FRMPD4: variants seen among roughly 807,000 people sequenced by gnomAD.
The protein encoded by FRMPD4 is FERM and PDZ domain containing 4, also known as FERM and PDZ domain-containing protein 4.
In FRMPD4, 22 loss-of-function variants were observed where a neutral mutation model predicts 94.1. The ratio of observed to expected loss-of-function variants is 0.23; its 90% CI spans 0.17 to 0.33. The LOEUF (loss-of-function observed/expected upper bound fraction) is 0.33, where lower values mean the gene tolerates loss of function less well. Ranked by LOEUF, FRMPD4 falls within the 10% of genes least tolerant of loss-of-function variation. FRMPD4 has a pLI of 1.00. For missense variants in FRMPD4, 1,111 were observed against 1,339.9 expected, an observed-to-expected ratio of 0.83 and a Z score of 2.67; for synonymous variants, 631 against 548.6, an observed-to-expected ratio of 1.15 and a Z score of -2.10.
chrX:12,694,145 C>T (rs2060104990), intron 8 of FRMPD4, among the ~76,000 whole-genome samples, 190 bp from the exon 9 acceptor site: 1 of 112,186 alleles, frequency 8.9e-6, no homozygotes, highest in South Asian at 3.7e-4. Flanking sequence ...ATCTCAGGGT[C>T]TGCTTCTGGG....
intron 1 of FRMPD4, among the ~76,000 whole-genome samples, chrX:12,164,095 G>A (rs936542586): frequency 9.2e-6 from 1 of 108,620 alleles, no homozygotes; most frequent in African/African-American, 3.4e-5. Context: ...TGTGCACAAC[G>A]TGCAGGTTTC....
intron 14 of FRMPD4, among the ~76,000 whole-genome samples, chrX:12,715,261 T>G (rs5935388): frequency 0.48 from 52,912 of 110,792 alleles, 9,358 homozygotes; most frequent in East Asian, 0.82. Flanking sequence ...TAAATTGGGG[T>G]TTTGTAATTT....
At position 12,353,875 on chromosome X, in the gene FRMPD4, G is replaced by A. The variant is rs1389674005; in HGVS notation, c.42-144805G>A. Among the ~76,000 whole-genome samples, 12 of 111,821 alleles carry A rather than the reference G, an allele frequency of 1.1e-4. No homozygotes were observed. The East Asian group carries it at 3.4e-3, about 32-fold the overall frequency. On this transcript the variant is annotated intron_variant, in intron 1 of 16. Coordinates refer to ENST00000675598, the MANE Select transcript of FRMPD4 (RefSeq NM_001368397.1). ...CCACTATTCACTGAGTGCTCATTTT[G>A]CCCTAGGTACAAGTTTCAACAGGAT...
intron 1 of FRMPD4, among the ~76,000 whole-genome samples, chrX:12,139,342 G>A (rs954273096): frequency 1.8e-5 from 2 of 111,169 alleles, no homozygotes; most frequent in African/African-American, 3.3e-5. Flanking sequence ...GGTTGTAATT[G>A]CTACTGCTAG....
At chrX:11,905,350 G>A (rs986687814) in intron 3 of FRMPD4, among the ~76,000 whole-genome samples, 5 of 111,714 alleles carry the variant, frequency 4.5e-5, no homozygotes, top group Non-Finnish European at 9.4e-5. Flanking sequence ...GGATGGCAAA[G>A]TTGAAAGAAA....
chrX:12,155,576 C>T (rs184574534), intron 1 of FRMPD4, among the ~76,000 whole-genome samples: 14 of 60,864 alleles, frequency 2.3e-4, no homozygotes, highest in Non-Finnish European at 3.4e-4. Context: ...GGTAGCATAT[C>T]CTCACAAAAA....
intron 2 of FRMPD4, among the ~76,000 whole-genome samples, chrX:12,517,284 T>C (rs2058109949): frequency 9.5e-6 from 1 of 105,549 alleles, no homozygotes; most frequent in South Asian, 4.1e-4. Context: ...AGAGGCACTC[T>C]GGCTTTTTGA....
intron 3 of FRMPD4, among the ~76,000 whole-genome samples, chrX:11,923,875 C>A (rs1012105134): frequency 1.8e-5 from 2 of 112,486 alleles, no homozygotes; most frequent in African/African-American, 6.5e-5. Context: ...AGAGTGCCTT[C>A]TTCTTTCCTC....
chrX:12,656,513 A>G (rs758302137), intron 4 of FRMPD4, among the ~76,000 whole-genome samples: 3 of 112,640 alleles, frequency 2.7e-5, no homozygotes, highest in African/African-American at 9.6e-5. Flanking sequence ...CACAATGGCT[A>G]CTACACATCA....
intron 1 of FRMPD4, among the ~76,000 whole-genome samples, chrX:12,293,811 A>G (rs2054727963): frequency 8.9e-6 from 1 of 112,499 alleles, no homozygotes; most frequent in South Asian, 3.7e-4. Flanking sequence ...TTTTTGTTCT[A>G]TATGTAAAGT....
At chrX:11,906,121 T>TTATTTATG (rs2053966221) in intron 3 of FRMPD4, among the ~76,000 whole-genome samples, 1 of 97,698 alleles carries the variant, frequency 1.0e-5, no homozygotes, top group Non-Finnish European at 2.0e-5. Context: ...TTCATTTTAT[T>TTATTTATG]TATTTATTTA....
At chrX:12,520,619 G>T (rs1271367951) in intron 2 of FRMPD4, among the ~76,000 whole-genome samples, 11 of 111,811 alleles carry the variant, frequency 9.8e-5, no homozygotes, top group African/African-American at 3.2e-4. Context: ...ATCCCTCTGA[G>T]CTCTCTTCAC....
intron 2 of FRMPD4, among the ~76,000 whole-genome samples, chrX:12,525,646 T>C (rs1456793163): frequency 8.9e-6 from 1 of 112,632 alleles, no homozygotes; most frequent in Non-Finnish European, 1.9e-5. Flanking sequence ...ACATATTCTT[T>C]TTTATTTTTC....
chrX:12,575,903 G>A (rs2058807687), intron 2 of FRMPD4, among the ~76,000 whole-genome samples: 1 of 112,131 alleles, frequency 8.9e-6, no homozygotes, highest in Admixed American at 9.5e-5. Flanking sequence ...AACCAGCCCT[G>A]CCAACACCCT....
intron 1 of FRMPD4, among the ~76,000 whole-genome samples, chrX:12,204,858 T>C (rs2056672960): frequency 9.0e-6 from 1 of 111,279 alleles, no homozygotes; most frequent in Admixed American, 9.6e-5. Context: ...TGATCATTTA[T>C]AGACACTTGC....
At chrX:12,368,166 G>A (rs1367782851) in intron 1 of FRMPD4, among the ~76,000 whole-genome samples, 1 of 111,907 alleles carries the variant, frequency 8.9e-6, no homozygotes, top group African/African-American at 3.3e-5. Context: ...GACTGCCTGG[G>A]CTTGAGCAAG....
intron 1 of FRMPD4, among the ~76,000 whole-genome samples, chrX:12,299,061 C>G (rs764161307): frequency 8.0e-5 from 9 of 112,194 alleles, no homozygotes; most frequent in Non-Finnish European, 1.3e-4. Context: ...AGACTCAGTA[C>G]AGTCTTGCTT....
intron 3 of FRMPD4, among the ~76,000 whole-genome samples, chrX:11,971,893 T>A (rs2054342168): frequency 8.9e-6 from 1 of 112,297 alleles, no homozygotes; most frequent in Admixed American, 9.5e-5. Flanking sequence ...ACAATGGAAG[T>A]GATATGGTGA....
At chrX:12,371,040 T>C (rs2056155481) in intron 1 of FRMPD4, among the ~76,000 whole-genome samples, 1 of 112,308 alleles carries the variant, frequency 8.9e-6, no homozygotes, top group South Asian at 3.7e-4. Flanking sequence ...CAGAAATAGA[T>C]TGCTTCCCTT....
Sources: gnomAD v4.1 joint callset for allele counts (sites outside exome capture counted in the v4.1 genomes callset) on GRCh38, gnomAD v4.1.1 for gene constraint, MANE v1.5 for transcripts, NCBI Gene and HGNC (gene_info 2026-07-23, HGNC 2026-07-21) for gene names.